MOB1B: variants seen among roughly 807,000 people sequenced by gnomAD.
MOB1B encodes the protein MOB kinase activator 1B.
In MOB1B, 19 loss-of-function variants were observed where a neutral mutation model predicts 24.4. The ratio of observed to expected loss-of-function variants is 0.78; its 90% CI spans 0.54 to 1.14. MOB1B has a LOEUF of 1.14. Ranked by LOEUF, MOB1B falls within the 50% of genes most tolerant of loss-of-function variation. MOB1B has a pLI of 0.00. For synonymous variants in MOB1B, 76 were observed against 82.1 expected, an observed-to-expected ratio of 0.93 and a Z score of 0.40; for missense variants, 243 against 259.6, an observed-to-expected ratio of 0.94 and a Z score of 0.44.
intron 1 of MOB1B, among the ~76,000 whole-genome samples, chr4:70,950,368 G>T (rs1195111910): frequency 2.0e-5 from 3 of 150,586 alleles, no homozygotes; most frequent in South Asian, 2.1e-4. Flanking sequence ...CCCAGGAGGC[G>T]GATGAGCCAA....
chr4:70,980,931 G>A (rs1739190083), intron 5 of MOB1B, among the ~76,000 whole-genome samples: 1 of 152,096 alleles, frequency 6.6e-6, no homozygotes, highest in Admixed American at 6.5e-5. Context: ...GGTTGGAAAA[G>A]CAGGGAGGTT....
At chr4:70,939,128 A>G (rs888043129) in intron 1 of MOB1B, among the ~76,000 whole-genome samples, 2 of 152,246 alleles carry the variant, frequency 1.3e-5, no homozygotes, top group African/African-American at 2.4e-5. Context: ...ATTCAACACA[A>G]TAACACAATT....
chr4:70,960,123 C>T (rs765735364), intron 2 of MOB1B, among the ~76,000 whole-genome samples: 14 of 152,028 alleles, frequency 9.2e-5, no homozygotes, highest in Non-Finnish European at 2.1e-4. Flanking sequence ...ACCTTGTGAT[C>T]CACCCACTTC....
chr4:70,939,677 G>T (rs1224410031), intron 1 of MOB1B, among the ~76,000 whole-genome samples: 4 of 152,204 alleles, frequency 2.6e-5, no homozygotes, highest in African/African-American at 9.6e-5. Context: ...CGCTTCTTTG[G>T]TGTCCTGCTG....
intron 1 of MOB1B, among the ~76,000 whole-genome samples, chr4:70,922,954 T>A (rs1578354428): frequency 6.6e-6 from 1 of 152,012 alleles, no homozygotes; most frequent in South Asian, 2.1e-4. Flanking sequence ...CAATAGATAA[T>A]CCAATGAAGG....
chr4:70,947,733 C>T (rs1737645125), intron 1 of MOB1B, among the ~76,000 whole-genome samples: 2 of 152,086 alleles, frequency 1.3e-5, no homozygotes, highest in Admixed American at 6.6e-5. Flanking sequence ...GCTCCTGCCT[C>T]AGCCTCCTGA....
chr4:70,946,102 T>C (rs1737570415), intron 1 of MOB1B, among the ~76,000 whole-genome samples: 1 of 149,876 alleles, frequency 6.7e-6, no homozygotes, highest in South Asian at 2.1e-4. Flanking sequence ...TTTTTTTTTT[T>C]TTTTGGCCAA....
chr4:70,917,607 C>T (rs1489906791), intron 1 of MOB1B, among the ~76,000 whole-genome samples: 3 of 152,146 alleles, frequency 2.0e-5, no homozygotes, highest in African/African-American at 7.2e-5. Context: ...CTTTCTCTGA[C>T]GTTCTCAGAA....
rs768608132 is a variant in MOB1B, at chr4:70,982,986, A to G, written c.*929A>G. On this transcript the variant is annotated 3_prime_UTR_variant, in exon 6 of 6. Transcript: ENST00000309395. ...TGGGGGCATGGAGATGTTCGTATGT[A>G]TGAGGAGTTAGGGATGGGGAGTCAA... is the stretch of plus-strand genomic sequence containing the variant. 3 of 152,590 alleles carry G rather than the reference A, an allele frequency of 2.0e-5. No homozygotes were observed. Among genetic ancestry groups the G allele is most frequent in the South Asian group, 4.1e-4 (2 of 4,828 alleles). 9.5% of individuals were successfully genotyped at this position (152,590 alleles called of 1,614,324 possible).
chr4:70,902,501 G>A lies in MOB1B; in HGVS notation c.-36G>A. Reference sequence around the variant, plus strand: ...CTGGCCCACGCCGCTCCGAGGCCTCGCGACCGCCGAGCCTGCAGCCTGCCC... The same window carrying A: ...CTGGCCCACGCCGCTCCGAGGCCTCACGACCGCCGAGCCTGCAGCCTGCCC... On this transcript the variant is annotated 5_prime_UTR_variant, in exon 1 of 6. Transcript: ENST00000309395. 1.3e-6 allele frequency: 2 copies of A among 1,554,562 alleles called. No homozygotes were observed. Among genetic ancestry groups the A allele is most frequent in the Non-Finnish European group, 8.7e-7 (1 of 1,149,606 alleles).
At chr4:70,902,157 C>G (rs568668821), upstream of MOB1B, among the ~76,000 whole-genome samples, 4 of 152,326 alleles carry the variant, frequency 2.6e-5, no homozygotes, top group South Asian at 4.1e-4. Flanking sequence ...TGGGCGTCGT[C>G]CCTAGCAGCA....
intron 1 of MOB1B, among the ~76,000 whole-genome samples, chr4:70,945,722 C>G (rs1053604897): frequency 2.0e-5 from 3 of 152,134 alleles, no homozygotes; most frequent in African/African-American, 7.2e-5. Flanking sequence ...TTGAGAAACT[C>G]ATGGTGCTGT....
intron 1 of MOB1B, among the ~76,000 whole-genome samples, chr4:70,955,002 T>C (rs1233825661): frequency 6.6e-6 from 1 of 151,384 alleles, no homozygotes; most frequent in Non-Finnish European, 1.5e-5. Context: ...GCCAGGCTGG[T>C]CTCAAACTCC....
At chr4:70,905,427 T>C (rs1468143073) in intron 1 of MOB1B, among the ~76,000 whole-genome samples, 3 of 151,850 alleles carry the variant, frequency 2.0e-5, no homozygotes, top group Non-Finnish European at 2.9e-5. Flanking sequence ...TTTTTTTTTT[T>C]CGGTAGAGTC....
At chr4:70,975,366 A>AT in intron 4 of MOB1B, 80 bp downstream of exon 4, 1 of 1,562,652 alleles carries the variant, frequency 6.4e-7, no homozygotes, top group East Asian at 2.3e-5. Context: ...TCTTTCCACT[A>AT]TATCTAGTTG....
intron 1 of MOB1B, among the ~76,000 whole-genome samples, chr4:70,909,391 C>G (rs1176945963): frequency 6.6e-6 from 1 of 151,716 alleles, no homozygotes; most frequent in Admixed American, 6.6e-5. Flanking sequence ...GCCTGTAATC[C>G]CAGCACGTTG....
chr4:70,951,398 T>C (rs1180580875), intron 1 of MOB1B, among the ~76,000 whole-genome samples: 2 of 152,200 alleles, frequency 1.3e-5, no homozygotes, highest in Non-Finnish European at 2.9e-5. Context: ...CTAAGAGATA[T>C]GTATTCAGAG....
intron 2 of MOB1B, among the ~76,000 whole-genome samples, chr4:70,963,709 A>G (rs1738394000): frequency 6.6e-6 from 1 of 151,998 alleles, no homozygotes; most frequent in African/African-American, 2.4e-5. Flanking sequence ...GGTCCCAGCT[A>G]CTTGAGAGGC....
intron 1 of MOB1B, among the ~76,000 whole-genome samples, chr4:70,938,690 C>A (rs561429893): frequency 1.1e-4 from 10 of 88,696 alleles, no homozygotes; most frequent in African/African-American, 4.1e-4. Flanking sequence ...GAGTATTCTA[C>A]ATCTAGAGGC....
Sources: allele counts gnomAD v4.1 joint callset (sites outside exome capture counted in the v4.1 genomes callset), GRCh38; gene constraint gnomAD v4.1.1; transcripts MANE v1.5; gene names NCBI Gene and HGNC (gene_info 2026-07-23, HGNC 2026-07-21).